AGBL1: variants seen among roughly 807,000 people sequenced by gnomAD.
The protein encoded by AGBL1 is AGBL carboxypeptidase 1, also known as cytosolic carboxypeptidase 4.
AGBL1 carries 130 observed loss-of-function variants against 118.9 expected under a neutral mutation model. The ratio of observed to expected loss-of-function variants is 1.09; its 90% confidence interval spans 0.95 to 1.26. The LOEUF is 1.26. Ranked by LOEUF, AGBL1 falls within the 50% of genes most tolerant of loss-of-function variation. The probability of loss-of-function intolerance (pLI) is 0.00; values close to 1 mark genes in which losing one functional copy is unlikely to be tolerated. For missense variants in AGBL1, 1,584 were observed against 1,298.1 expected (o/e 1.22, Z -3.38); for synonymous variants, 555 against 478.9 (o/e 1.16, Z -2.08).
chr15:86,279,896 G>A (rs2141718487), intron 16 of AGBL1, 113 bp downstream of exon 16: 1 of 1,353,260 alleles, frequency 7.4e-7, no homozygotes, highest in Non-Finnish European at 1.0e-6. Flanking sequence ...GGGAATGTAG[G>A]GGAACTACAG....
At chr15:86,113,566 G>C (rs1180150583) in intron 1 of AGBL1, among the ~76,000 whole-genome samples, 1 of 152,070 alleles carries the variant, frequency 6.6e-6, no homozygotes, top group Non-Finnish European at 1.5e-5. Flanking sequence ...GATTACAGGT[G>C]TGAGCCACTG....
chr15:87,019,338 C>G (rs2081639164), intron 24 of AGBL1, among the ~76,000 whole-genome samples: 1 of 152,074 alleles, frequency 6.6e-6, no homozygotes, highest in Admixed American at 6.6e-5. Context: ...CACTACACAG[C>G]ACTTCCTCTA....
chr15:86,886,016 TAG>T (rs1213688776), intron 22 of AGBL1, among the ~76,000 whole-genome samples: 3 of 152,202 alleles, frequency 2.0e-5, no homozygotes, highest in Non-Finnish European at 4.4e-5. Context: ...GATAACAAAA[TAG>T]AGTCTTTAAA....
At chr15:86,797,553 C>T (rs1296598969) in intron 22 of AGBL1, among the ~76,000 whole-genome samples, 2 of 152,222 alleles carry the variant, frequency 1.3e-5, no homozygotes, top group Non-Finnish European at 2.9e-5. Flanking sequence ...CTATTGATCT[C>T]TCCATTTGGC....
chr15:86,868,886 C>T (rs544897797), intron 22 of AGBL1, among the ~76,000 whole-genome samples: 35 of 152,188 alleles, frequency 2.3e-4, no homozygotes, highest in South Asian at 8.3e-4. Flanking sequence ...ATAGAAACAA[C>T]GGGTATGAAT....
chr15:86,467,168 G>T (rs2082418059), intron 18 of AGBL1, among the ~76,000 whole-genome samples: 1 of 152,230 alleles, frequency 6.6e-6, no homozygotes, highest in South Asian at 2.1e-4. Context: ...GAGAGGCCCT[G>T]CCCCGAGAGG....
chr15:86,377,605 T>A (rs1567225332), intron 17 of AGBL1, among the ~76,000 whole-genome samples: 1 of 152,246 alleles, frequency 6.6e-6, no homozygotes, highest in Non-Finnish European at 1.5e-5. Context: ...TTTTGTGTTA[T>A]AATTTACAAG....
intron 7 of AGBL1, among the ~76,000 whole-genome samples, chr15:86,256,248 A>T (rs1482611495): frequency 6.6e-6 from 1 of 152,196 alleles, no homozygotes; most frequent in Non-Finnish European, 1.5e-5. Context: ...ACATCTGCAA[A>T]CCCAATTTTT....
rs550887156 is a variant in AGBL1 at position 86,500,741 on chromosome 15, A to G, written c.2556-22069A>G. ...ATTCTGGGTGTTTCATATAAATGGT[A>G]TGATATAATGTATGGCCTTTTATGT... On this transcript the variant is annotated intron_variant, in intron 18 of 22. Transcript: ENST00000614907. Among the ~76,000 whole-genome samples, 42 of 151,858 alleles carry G rather than the reference A, an allele frequency of 2.8e-4. 1 individual carries two copies. In the South Asian group the frequency reaches 8.1e-3, roughly 29 times the overall value.
chr15:86,371,994 T>C (rs1016870612), intron 17 of AGBL1, among the ~76,000 whole-genome samples: 10 of 152,204 alleles, frequency 6.6e-5, no homozygotes, highest in African/African-American at 9.6e-5. Context: ...ACATTTCTTA[T>C]GCTCCTTTGC....
chr15:86,266,307 G>T, intron 11 of AGBL1, 67 bp from the exon 12 acceptor site: 1 of 1,220,216 alleles, frequency 8.2e-7, no homozygotes, highest in South Asian at 1.5e-5. Flanking sequence ...CTTCCCAGGT[G>T]ATCACAGGAT....
At chr15:86,232,501 G>A (rs1346415182) in intron 6 of AGBL1, among the ~76,000 whole-genome samples, 1 of 152,204 alleles carries the variant, frequency 6.6e-6, no homozygotes, top group Non-Finnish European at 1.5e-5. Flanking sequence ...TGTCTTGAAG[G>A]AAATTAGCTG....
At chr15:86,977,305 C>A (rs1258842048) in intron 23 of AGBL1, among the ~76,000 whole-genome samples, 1 of 151,484 alleles carries the variant, frequency 6.6e-6, no homozygotes, top group Non-Finnish European at 1.5e-5. Context: ...TAGCGGTCTA[C>A]TAAGCTAATA....
chr15:86,129,885 A>C (rs1305364018), intron 1 of AGBL1, among the ~76,000 whole-genome samples: 4 of 152,110 alleles, frequency 2.6e-5, no homozygotes, highest in Non-Finnish European at 5.9e-5. Flanking sequence ...GAAAGGCATA[A>C]ATTTAAAATT....
At position 86,620,867 on chromosome 15, in the gene AGBL1, G is replaced by A. The variant is rs16977855; in HGVS notation, c.2995-53406G>A. On this transcript the variant is annotated intron_variant, in intron 21 of 22. Coordinates refer to ENST00000614907, the MANE Select transcript of AGBL1 (RefSeq NM_001386094.1). ...TCTAAATCCGACTTGCCGCCTGCAT[G>A]TCTCTCTTCACGGCTCTTTTTCAAG... Among the ~76,000 whole-genome samples the A allele has an allele frequency of 4.2e-3, 644 of 151,542 alleles. 6 individuals carry two copies. Among genetic ancestry groups the A allele is most frequent in the African/African-American group, 0.015 (603 of 41,252 alleles).
At chr15:86,655,255 C>T (rs944606223) in intron 21 of AGBL1, among the ~76,000 whole-genome samples, 2 of 152,180 alleles carry the variant, frequency 1.3e-5, no homozygotes, top group Admixed American at 1.3e-4. Flanking sequence ...TCCTGAATAT[C>T]TATTAACAAC....
chr15:86,510,132 C>A (rs2083036516), intron 18 of AGBL1, among the ~76,000 whole-genome samples: 1 of 151,996 alleles, frequency 6.6e-6, no homozygotes, highest in Non-Finnish European at 1.5e-5. Context: ...TATTTAAAGA[C>A]CCAATCAGCA....
chr15:86,250,906 C>T (rs2078805055), intron 7 of AGBL1, among the ~76,000 whole-genome samples: 1 of 152,170 alleles, frequency 6.6e-6, no homozygotes, highest in Non-Finnish European at 1.5e-5. Flanking sequence ...TTTCAGTTGC[C>T]ATTTGCAAAT....
At chr15:86,603,184 C>T (rs1471036885) in intron 21 of AGBL1, among the ~76,000 whole-genome samples, 1 of 152,122 alleles carries the variant, frequency 6.6e-6, no homozygotes, top group Non-Finnish European at 1.5e-5. Flanking sequence ...ATTTAGCCAT[C>T]CCCCACCATC....
Sources: gnomAD v4.1 joint callset for allele counts (sites outside exome capture counted in the v4.1 genomes callset) on GRCh38, gnomAD v4.1.1 for gene constraint, MANE v1.5 for transcripts, NCBI Gene and HGNC (gene_info 2026-07-23, HGNC 2026-07-21) for gene names.